The following STON2 variants were observed in gnomAD, a reference collection of about 807,000 sequenced individuals.
STON2 encodes the protein stonin-2.
Under a neutral mutation model 65.7 loss-of-function variants are expected in STON2, and 29 were observed. The observed-to-expected ratio is 0.44, with a 90% CI of 0.33 to 0.60. The LOEUF (loss-of-function observed/expected upper bound fraction) is 0.60, where lower values mean the gene tolerates loss of function less well. Ranked by LOEUF, STON2 falls within the 20% of genes least tolerant of loss-of-function variation. The pLI, the probability that STON2 is intolerant of heterozygous loss-of-function variation, is 0.03. For synonymous variants in STON2, 404 were observed against 414.2 expected (o/e 0.98, Z 0.30); for missense variants, 1,054 against 1,118.1 (o/e 0.94, Z 0.82).
Position 81,261,403 on chromosome 14 carries a change from C to G in STON2, c.*7011G>C, listed in dbSNP as rs1027656657. 6.4e-6 allele frequency: 1 copy of G among 155,454 alleles called. No individual in the cohort carries two copies. The highest frequency in any genetic ancestry group is 2.4e-5 in the African/African-American group (1 of 41,570). 9.6% of individuals were successfully genotyped at this position (155,454 alleles called of 1,614,324 possible). A position where few individuals can be genotyped will look rare whatever the true frequency, so the allele number is the denominator to read the frequency against. Reference sequence around the variant, plus strand: ...TCCAGTTGGAATCAATCCAACACATCTGACTACCACAAATACAACCAGAAA... The same window carrying G: ...TCCAGTTGGAATCAATCCAACACATGTGACTACCACAAATACAACCAGAAA... On this transcript the variant is annotated 3_prime_UTR_variant, in exon 8 of 8. Coordinates refer to ENST00000614646, the MANE Select transcript of STON2 (RefSeq NM_001394390.1).
chr14:81,415,021 G>C (rs1901358074), intron 2 of STON2, among the ~76,000 whole-genome samples: 1 of 152,028 alleles, frequency 6.6e-6, no homozygotes, highest in South Asian at 2.1e-4. Context: ...GTGCTTTGGA[G>C]ACTCTCTTAT....
In STON2 at chr14:81,261,876, G is replaced by C; in HGVS notation, c.*6538C>G. 1 of 1,532,074 alleles carries C rather than the reference G, an allele frequency of 6.5e-7. No homozygotes were observed. Among genetic ancestry groups the C allele is most frequent in the Non-Finnish European group, 8.7e-7 (1 of 1,146,000 alleles). 94.9% of individuals were successfully genotyped at this position (1,532,074 alleles called of 1,614,324 possible). ...CCTCTTTGATCCTCTTTTTAAATCT[G>C]TGTGTGGAAGGCAACTGCAATATAG... is the stretch of plus-strand genomic sequence containing the variant. On this transcript the variant is annotated 3_prime_UTR_variant, in exon 8 of 8. Transcript: ENST00000614646.
chr14:81,301,203 T>C (rs1161141071), intron 5 of STON2, among the ~76,000 whole-genome samples: 1 of 152,198 alleles, frequency 6.6e-6, no homozygotes, highest in East Asian at 1.9e-4. Flanking sequence ...TCTAAGATTA[T>C]ATTCTCTCAT....
chr14:81,278,863 A>C, intron 5 of STON2, 124 bp from the exon 6 acceptor site: 201 of 732,404 alleles, frequency 2.7e-4, no homozygotes, highest in Middle Eastern at 4.1e-4. Context: ...AAAGCAGCTC[A>C]TTATCTGTTT....
At chr14:81,398,158 C>T in intron 2 of STON2, 137 bp downstream of exon 2, 1 of 612,258 alleles carries the variant, frequency 1.6e-6, no homozygotes, top group Non-Finnish European at 2.7e-6. Flanking sequence ...ATTCTAAGAT[C>T]TCAAGAAAGA....
At chr14:81,397,103 T>G (rs562986417) in intron 2 of STON2, among the ~76,000 whole-genome samples, 1 of 152,142 alleles carries the variant, frequency 6.6e-6, no homozygotes, top group African/African-American at 2.4e-5. Context: ...ATTATGGTGG[T>G]AGATACACAA....
chr14:81,419,917 G>A (rs901076354), intron 2 of STON2, among the ~76,000 whole-genome samples: 5 of 152,172 alleles, frequency 3.3e-5, no homozygotes, highest in East Asian at 1.9e-4. Context: ...TTGTTGCTGG[G>A]TCAGAGAGGC....
intron 1 of STON2, among the ~76,000 whole-genome samples, chr14:81,427,910 T>C (rs1182541779): frequency 3.9e-5 from 6 of 152,144 alleles, no homozygotes; most frequent in Non-Finnish European, 8.8e-5. Flanking sequence ...ACTCAGGGCA[T>C]AGCTTCTAGA....
At chr14:81,414,105 C>T (rs1901303580) in intron 2 of STON2, among the ~76,000 whole-genome samples, 1 of 139,048 alleles carries the variant, frequency 7.2e-6, no homozygotes, top group Non-Finnish European at 1.5e-5. Context: ...GGAGGGAGGA[C>T]AAGGAATTCT....
At chr14:81,433,109 T>G (rs1490322334) in intron 1 of STON2, among the ~76,000 whole-genome samples, 1 of 152,144 alleles carries the variant, frequency 6.6e-6, no homozygotes, top group Admixed American at 6.5e-5. Context: ...ACACTAAAGT[T>G]TGAGATCCAC....
At chr14:81,273,909 G>C (rs1473351492) in intron 6 of STON2, among the ~76,000 whole-genome samples, 1 of 152,200 alleles carries the variant, frequency 6.6e-6, no homozygotes, top group Non-Finnish European at 1.5e-5. Flanking sequence ...CTTCCTTAAA[G>C]AAGGTTAAGG....
In STON2 at chr14:81,263,660, G is replaced by T; in HGVS notation, c.*4754C>A. 1.1e-6 allele frequency: 1 copy of T among 878,388 alleles called. No individual in the cohort carries two copies. Among genetic ancestry groups the T allele is most frequent in the Non-Finnish European group, 1.4e-6 (1 of 732,594 alleles). 54.4% of individuals were successfully genotyped at this position (878,388 alleles called of 1,614,324 possible). ...CCAAGACAATTCTTCTTCCTATGTG[G>T]CCCAGGGAAGCCAAAAGATTGGACC... is the stretch of plus-strand genomic sequence containing the variant. On this transcript the variant is annotated 3_prime_UTR_variant, in exon 8 of 8. Coordinates refer to ENST00000614646, the MANE Select transcript of STON2 (RefSeq NM_001394390.1).
intron 5 of STON2, among the ~76,000 whole-genome samples, chr14:81,318,091 G>A (rs892906137): frequency 5.3e-5 from 8 of 152,028 alleles, no homozygotes; most frequent in South Asian, 2.1e-4. Flanking sequence ...TCAGCCTCCC[G>A]AGTAGCTAGG....
At chr14:81,397,172 T>A (rs1182376233) in intron 2 of STON2, among the ~76,000 whole-genome samples, 1 of 152,220 alleles carries the variant, frequency 6.6e-6, no homozygotes, top group Non-Finnish European at 1.5e-5. Flanking sequence ...TTTTTCTGTA[T>A]AAAGGTTTTT....
chr14:81,269,498 G>C, intron 7 of STON2: 1 of 985,396 alleles, frequency 1.0e-6, no homozygotes, highest in Non-Finnish European at 1.2e-6. Context: ...TCAGGGTTCA[G>C]GTTGCTCCTC....
At chr14:81,274,517 G>A (rs1894728009) in intron 6 of STON2, among the ~76,000 whole-genome samples, 1 of 151,688 alleles carries the variant, frequency 6.6e-6, no homozygotes, top group African/African-American at 2.4e-5. Context: ...CCTCTCTTCT[G>A]GTAGCAGTCT....
At chr14:81,285,220 T>C (rs1277922723) in intron 5 of STON2, among the ~76,000 whole-genome samples, 1 of 152,222 alleles carries the variant, frequency 6.6e-6, no homozygotes, top group Admixed American at 6.5e-5. Context: ...ATTCCTCTGA[T>C]GGATTGGGGC....
chr14:81,406,551 G>A (rs1900870706), intron 2 of STON2, among the ~76,000 whole-genome samples: 1 of 152,142 alleles, frequency 6.6e-6, no homozygotes, highest in Admixed American at 6.5e-5. Flanking sequence ...AATAATTACT[G>A]CTCAATAATA....
chr14:81,430,824 C>T (rs1222728260), intron 1 of STON2, among the ~76,000 whole-genome samples: 4 of 152,070 alleles, frequency 2.6e-5, no homozygotes, highest in African/African-American at 9.7e-5. Flanking sequence ...TCTTAAATAT[C>T]AAAGTGCTGG....
Sources: gnomAD v4.1 joint callset for allele counts (sites outside exome capture counted in the v4.1 genomes callset) on GRCh38, gnomAD v4.1.1 for gene constraint, MANE v1.5 for transcripts, NCBI Gene and HGNC (gene_info 2026-07-23, HGNC 2026-07-21) for gene names.